COL14A1: variants seen among roughly 807,000 people sequenced by gnomAD.
COL14A1 encodes collagen alpha-1(XIV) chain.
COL14A1 carries 136 observed loss-of-function variants against 230.3 expected under a neutral mutation model. The observed-to-expected ratio is 0.59, with a 90% CI of 0.51 to 0.68. The LOEUF (loss-of-function observed/expected upper bound fraction) is 0.68. COL14A1 is among the 30% of genes least tolerant of loss of function. The probability of loss-of-function intolerance (pLI) is 0.00; values close to 1 mark genes in which losing one functional copy is unlikely to be tolerated. For missense variants in COL14A1, 1,976 were observed against 2,215.8 expected, an observed-to-expected ratio of 0.89 and a Z score of 2.17; for synonymous variants, 792 against 784.1, an observed-to-expected ratio of 1.01 and a Z score of -0.17.
At chr8:120,328,119 C>T (rs907707486) in intron 40 of COL14A1, among the ~76,000 whole-genome samples, 2 of 151,968 alleles carry the variant, frequency 1.3e-5, no homozygotes, top group South Asian at 2.1e-4. Context: ...AGGAATATAG[C>T]GATGAATAAA....
intron 34 of COL14A1, among the ~76,000 whole-genome samples, chr8:120,290,976 A>G (rs1363492256): frequency 1.3e-5 from 2 of 152,202 alleles, no homozygotes; most frequent in Non-Finnish European, 2.9e-5. Flanking sequence ...AGAATTATGG[A>G]TTAGATGTTT....
At chr8:120,305,637 T>C (rs1820835140) in intron 36 of COL14A1, among the ~76,000 whole-genome samples, 1 of 152,192 alleles carries the variant, frequency 6.6e-6, no homozygotes, top group South Asian at 2.1e-4. Flanking sequence ...TTGTAATAAC[T>C]GACCCATTCT....
chr8:120,265,356 G>T (rs529302306), intron 24 of COL14A1, among the ~76,000 whole-genome samples: 1 of 152,044 alleles, frequency 6.6e-6, no homozygotes, highest in South Asian at 2.1e-4. Flanking sequence ...TTAAAAAATG[G>T]CTTTAGAAAC....
intron 25 of COL14A1, 62 bp downstream of exon 25, chr8:120,266,945 C>A: frequency 7.1e-7 from 1 of 1,403,734 alleles, no homozygotes; most frequent in Non-Finnish European, 1.0e-6. Flanking sequence ...GTTTTGTTTG[C>A]CTGTTCATTT....
chr8:120,193,685 G>A (rs944424320), intron 5 of COL14A1, among the ~76,000 whole-genome samples: 2 of 152,228 alleles, frequency 1.3e-5, no homozygotes, highest in Admixed American at 6.5e-5. Flanking sequence ...GCCTCCTTGA[G>A]CTGTAGTGGG....
chr8:120,211,443 C>CAT (rs1817614081), intron 12 of COL14A1, among the ~76,000 whole-genome samples: 1 of 152,056 alleles, frequency 6.6e-6, no homozygotes, highest in African/African-American at 2.4e-5. Flanking sequence ...CATACAGGAT[C>CAT]ATATATTGTT....
intron 2 of COL14A1, among the ~76,000 whole-genome samples, chr8:120,157,756 C>A (rs534030510): frequency 1.3e-5 from 2 of 152,000 alleles, no homozygotes; most frequent in African/African-American, 4.8e-5. Flanking sequence ...GAGGCCGAGG[C>A]GGGTGGATCC....
chr8:120,367,294 A>G, intron 46 of COL14A1, 46 bp downstream of exon 46: 1 of 1,491,596 alleles, frequency 6.7e-7, no homozygotes, highest in Admixed American at 1.9e-5. Context: ...ATATTTTTAT[A>G]TTCACTTGGC....
Position 120,371,574 on chromosome 8 carries a change from G to A in COL14A1, c.*343G>A, listed in dbSNP as rs1447634430. 1 of 398,266 alleles carries A rather than the reference G, an allele frequency of 2.5e-6. No homozygotes were observed. The highest frequency in any genetic ancestry group is 4.4e-6 in the Non-Finnish European group (1 of 225,896). 24.7% of individuals were successfully genotyped at this position (398,266 alleles called of 1,614,324 possible). A position where few individuals can be genotyped will look rare whatever the true frequency, so the allele number is the denominator to read the frequency against. On this transcript the variant is annotated 3_prime_UTR_variant, in exon 48 of 48. Coordinates refer to ENST00000297848, the MANE Select transcript of COL14A1 (RefSeq NM_021110.4). ...TCTCAAGTCCTAAAATGAACAAACAGATATGATTGTGTTTGAGGGAAATAT... is the reference window on the plus strand; with the variant it reads ...TCTCAAGTCCTAAAATGAACAAACAAATATGATTGTGTTTGAGGGAAATAT...
intron 23 of COL14A1, among the ~76,000 whole-genome samples, chr8:120,256,153 C>T (rs1819144272): frequency 1.3e-5 from 2 of 152,048 alleles, no homozygotes; most frequent in Admixed American, 6.6e-5. Context: ...GCTAAAGAAT[C>T]CCAAATGATT....
At chr8:120,155,586 T>C (rs1815446497) in intron 2 of COL14A1, among the ~76,000 whole-genome samples, 1 of 152,170 alleles carries the variant, frequency 6.6e-6, no homozygotes, top group Non-Finnish European at 1.5e-5. Flanking sequence ...TCTCTTGGAA[T>C]TTCCTAGATT....
At chr8:120,161,939 A>G (rs1307684644) in intron 3 of COL14A1, among the ~76,000 whole-genome samples, 1 of 152,232 alleles carries the variant, frequency 6.6e-6, no homozygotes, top group Non-Finnish European at 1.5e-5. Context: ...TGCAAGGATT[A>G]CAGGCGTGAG....
chr8:120,252,151 C>A (rs1818987859), intron 22 of COL14A1, among the ~76,000 whole-genome samples: 1 of 152,012 alleles, frequency 6.6e-6, no homozygotes, highest in Non-Finnish European at 1.5e-5. Flanking sequence ...ATTTTATTTT[C>A]TTTTTTGATA....
In COL14A1 at chr8:120,337,410, AAAAAAAAAGAAAAAAG is replaced by A. The variant is rs1416887295; in HGVS notation, c.4786-3908_4786-3893del. ...GACTCTGTCTCAAAATTAAAAAAAA[AAAAAAAAAGAAAAAAG>A]AAAAAAGAAAAAAAAGAAGGTACGT... On this transcript the variant is annotated intron_variant, in intron 42 of 47. Coordinates refer to ENST00000297848, the MANE Select transcript of COL14A1 (RefSeq NM_021110.4). Among the ~76,000 whole-genome samples, 31 of 151,622 alleles carry A rather than the reference AAAAAAAAAGAAAAAAG, an allele frequency of 2.0e-4. No individual in the cohort carries two copies. The Middle Eastern group carries it at 0.01, about 50-fold the overall frequency.
intron 5 of COL14A1, among the ~76,000 whole-genome samples, chr8:120,173,719 C>T (rs1816178974): frequency 6.6e-6 from 1 of 151,280 alleles, no homozygotes; most frequent in Non-Finnish European, 1.5e-5. Flanking sequence ...TTATATCTAT[C>T]TTTTGCCCAT....
At position 120,248,469 on chromosome 8, in the gene COL14A1, G is replaced by A. The variant is rs75775963; in HGVS notation, c.2602+734G>A. ...AGGAGACTAGAATTGATGTTATTAA[G>A]GTCTTCTCAGTTTTCTAGACCTGGG... On this transcript the variant is annotated intron_variant, in intron 21 of 47. Transcript: ENST00000297848. 1.5e-4 allele frequency among the ~76,000 whole-genome samples: 23 copies of A among 152,224 alleles called. No individual in the cohort carries two copies. The East Asian group carries it at 4.1e-3, about 27-fold the overall frequency.
intron 6 of COL14A1, 88 bp from the exon 7 acceptor site, chr8:120,197,723 G>A (rs941559903): frequency 2.1e-6 from 3 of 1,431,184 alleles, no homozygotes; most frequent in Admixed American, 2.1e-5. Flanking sequence ...CAAAGATGAG[G>A]CCTTTCGTCA....
Position 120,208,246 on chromosome 8 carries a change from A to C in COL14A1, c.1206A>C (p.Gly402=). The C allele has an allele frequency of 6.2e-7, 1 of 1,612,266 alleles. No individual in the cohort carries two copies. Among genetic ancestry groups the C allele is most frequent in the African/African-American group, 1.3e-5 (1 of 75,022 alleles). ...GGKPDEVVVD[G]TVSSTVLKNL... ...TCTTTAAACAGGTGGTGGTAGATGG[A>C]ACTGTATCTTCCACAGTGTTGAAAA... The change falls in exon 11 of 48, where the codon GGA becomes GGC. Residue 402 remains glycine, a synonymous_variant. Transcript: ENST00000297848.
At chr8:120,272,764 A>G (rs1242578376) in intron 26 of COL14A1, among the ~76,000 whole-genome samples, 1 of 151,442 alleles carries the variant, frequency 6.6e-6, no homozygotes, top group Non-Finnish European at 1.5e-5. Context: ...CTACATTTAT[A>G]TGGACTTAAC....
Sources: gnomAD v4.1 joint callset for allele counts (sites outside exome capture counted in the v4.1 genomes callset) on GRCh38, gnomAD v4.1.1 for gene constraint, MANE v1.5 for transcripts, NCBI Gene and HGNC (gene_info 2026-07-23, HGNC 2026-07-21) for gene names.